The following XPC variants were observed in gnomAD, a reference collection of about 807,000 sequenced individuals.
XPC encodes XPC complex subunit, DNA damage recognition and repair factor.
In XPC, 76 loss-of-function variants were observed where a neutral mutation model predicts 95.8. The ratio of observed to expected loss-of-function variants is 0.79; its 90% CI spans 0.66 to 0.96. The LOEUF (loss-of-function observed/expected upper bound fraction) is 0.96. Among genes scored for constraint, XPC ranks in the 40% least tolerant of loss-of-function variants. The pLI, the probability that XPC is intolerant of heterozygous loss-of-function variation, is 0.00. For synonymous variants in XPC, 442 were observed against 442.1 expected, an observed-to-expected ratio of 1.00 and a Z score of 0.00; for missense variants, 1,146 against 1,179.8, an observed-to-expected ratio of 0.97 and a Z score of 0.42.
In XPC at chr3:14,167,192, C is replaced by T; in HGVS notation, c.598G>A (p.Gly200Arg). The change falls in exon 5 of 16, where the codon GGG becomes AGG. Residue 200 changes from glycine (G) to arginine (R), a missense_variant. Physicochemically the swap from Gly to Arg is moderately radical, Grantham distance 125. Transcript: ENST00000285021. ...LRRAMKRFNK[G>R]VHEDTHKVHL... ...ACCTTGTGTGTGTCCTCATGGACCCCTTTATTGAAACGTTTCATCGCCCTC... is the reference window on the plus strand; with the variant it reads ...ACCTTGTGTGTGTCCTCATGGACCCTTTTATTGAAACGTTTCATCGCCCTC... The T allele has an allele frequency of 6.2e-7, 1 of 1,609,904 alleles. No homozygotes were observed. Among genetic ancestry groups the T allele is most frequent in the Non-Finnish European group, 8.5e-7 (1 of 1,177,980 alleles).
chr3:14,155,594 G>C (rs987997556), intron 10 of XPC, among the ~76,000 whole-genome samples: 27 of 151,908 alleles, frequency 1.8e-4, no homozygotes, highest in African/African-American at 5.8e-4. Context: ...GTCTCGTTCT[G>C]TCACCCAGGC....
Position 14,164,617 on chromosome 3 carries a change from C to T in XPC, c.900+196G>A, listed in dbSNP as rs3731119. ...TCCACTCAGACTCTGATCCCAATCT[C>T]GATTCTCAGGCTCACCAAGGAAAAG... On this transcript the variant is annotated intron_variant, in intron 7 of 15. Transcript: ENST00000285021. 8.2e-3 allele frequency: 4,355 copies of T among 529,438 alleles called. 170 individuals carry two copies. Among genetic ancestry groups the T allele is most frequent in the African/African-American group, 0.08 (3,948 of 49,582 alleles). The allele number at this position is 529,438 out of a possible 1,614,324, so 32.8% of individuals were successfully genotyped here. A position where few individuals can be genotyped will look rare whatever the true frequency, so the allele number is the denominator to read the frequency against.
chr3:14,152,095 T>G (rs1695713612), intron 11 of XPC, among the ~76,000 whole-genome samples: 1 of 151,952 alleles, frequency 6.6e-6, no homozygotes. Flanking sequence ...GAGGCCTACT[T>G]TTTGGCCTAG....
chr3:14,154,448 C>A (rs928216484), intron 10 of XPC, among the ~76,000 whole-genome samples: 1 of 152,300 alleles, frequency 6.6e-6, no homozygotes, highest in East Asian at 1.9e-4. Context: ...TCCACCCACA[C>A]AATGGAGTAT....
intron 2 of XPC, 154 bp from the exon 3 acceptor site, chr3:14,170,704 A>G: frequency 1.8e-6 from 1 of 541,480 alleles, no homozygotes; most frequent in Non-Finnish European, 3.2e-6. Context: ...CACTTCCTCC[A>G]TCAACATGTG....
chr3:14,158,706 G>A lies in XPC; in HGVS notation c.1177C>T (p.Arg393Trp), dbSNP rs121965090. ...GKRNKGGRKK[R>W]SKPSSSEEDE... ...TCCTCGCTGGAGGAGGGCTTGCTCCGTTTCTTTCTGCCTCCCTTGTTCCTC... is the reference window on the plus strand; with the variant it reads ...TCCTCGCTGGAGGAGGGCTTGCTCCATTTCTTTCTGCCTCCCTTGTTCCTC... Residue 393 changes from arginine to tryptophan, a missense_variant, in exon 9 of 16, where the codon CGG becomes TGG. By Grantham distance (101) the Arg-to-Trp change is moderately radical. Transcript: ENST00000285021. The surrounding 1 kb of genome is among the most constrained non-coding windows in gnomAD (Gnocchi z 5.2). The A allele has an allele frequency of 1.3e-3, 2,125 of 1,613,848 alleles. 2 individuals are homozygous for A. Among genetic ancestry groups the A allele is most frequent in the Non-Finnish European group, 1.7e-3 (1,992 of 1,179,886 alleles).
chr3:14,164,669 T>C (rs577236656), intron 7 of XPC, 144 bp downstream of exon 7: 97 of 784,034 alleles, frequency 1.2e-4, no homozygotes, highest in Middle Eastern at 3.4e-4. Context: ...GTAGCTATTC[T>C]GGGCTTCAGC....
chr3:14,168,021 G>A (rs1292168312), intron 4 of XPC, among the ~76,000 whole-genome samples: 2 of 151,330 alleles, frequency 1.3e-5, no homozygotes, highest in African/African-American at 4.9e-5. Flanking sequence ...GATAACGGAT[G>A]ACCTGCTCAA....
intron 1 of XPC, among the ~76,000 whole-genome samples, chr3:14,173,400 T>G (rs1696691660): frequency 6.6e-6 from 1 of 152,256 alleles, no homozygotes; most frequent in South Asian, 2.1e-4. Context: ...AGCACCTTAT[T>G]TATTATCTGC....
At chr3:14,170,795 C>T (rs1029756613) in intron 2 of XPC, among the ~76,000 whole-genome samples, 2 of 152,074 alleles carry the variant, frequency 1.3e-5, no homozygotes, top group African/African-American at 4.8e-5. Flanking sequence ...CAATCTAGAT[C>T]GTGTGAAAGA....
chr3:14,147,089 G>A (rs1021181055), intron 15 of XPC, among the ~76,000 whole-genome samples: 5 of 152,318 alleles, frequency 3.3e-5, no homozygotes, highest in African/African-American at 1.2e-4. Context: ...TGGGGCAGAA[G>A]AGCCAGCTGA....
chr3:14,160,044 A>C (rs1696107466), intron 7 of XPC, among the ~76,000 whole-genome samples: 1 of 152,212 alleles, frequency 6.6e-6, no homozygotes, highest in African/African-American at 2.4e-5. Context: ...ATCATATATT[A>C]AAGGAAAATA....
intron 1 of XPC, among the ~76,000 whole-genome samples, chr3:14,174,254 T>C (rs564215529): frequency 7.2e-5 from 11 of 151,854 alleles, no homozygotes; most frequent in African/African-American, 2.6e-4. Flanking sequence ...ACAAATTATT[T>C]CAAAATTAAT....
At chr3:14,170,573 A>C in intron 2 of XPC, 23 bp from the exon 3 acceptor site, 1 of 1,552,770 alleles carries the variant, frequency 6.4e-7, no homozygotes, top group Non-Finnish European at 8.8e-7. Context: ...CACAGGAAGG[A>C]AGATGAAGAA....
rs201940931 is a variant in XPC, at chr3:14,165,587, T to G, written c.622-2A>C. 12 of 1,613,038 alleles carry G rather than the reference T, an allele frequency of 7.4e-6. No homozygotes were observed. Among genetic ancestry groups the G allele is most frequent in the African/African-American group, 2.7e-5 (2 of 74,878 alleles). ...TGCTAGCAGGCAGAGAAGGTGAACC[T>G]GTGAAGAGGAAAGGAGGAAGGGGCA... is the stretch of plus-strand genomic sequence containing the variant. On this transcript the variant is annotated splice_acceptor_variant, in intron 5 of 15. Transcript: ENST00000285021. LOFTEE classifies it high-confidence loss of function.
chr3:14,170,140 T>A (rs3731082), intron 3 of XPC, among the ~76,000 whole-genome samples: 1 of 152,216 alleles, frequency 6.6e-6, no homozygotes, highest in Admixed American at 6.5e-5. Flanking sequence ...AGTTGAGCAC[T>A]GAACCCAATT....
chr3:14,171,694 G>A (rs1696618939), intron 2 of XPC, among the ~76,000 whole-genome samples: 1 of 152,084 alleles, frequency 6.6e-6, no homozygotes, highest in Non-Finnish European at 1.5e-5. Flanking sequence ...AAATTAGCTG[G>A]GCGTGGTGGT....
At position 14,173,247 on chromosome 3, in the gene XPC, T is replaced by C. The variant is rs1301320542; in HGVS notation, c.104-185A>G. 2.0e-5 allele frequency among the ~76,000 whole-genome samples: 3 copies of C among 152,180 alleles called. No homozygotes were observed. The East Asian group carries it at 5.8e-4, about 29-fold the overall frequency. On this transcript the variant is annotated intron_variant, in intron 1 of 15. Transcript: ENST00000285021. ...TCTTCCCACCTGCGGCTAGTCTATA[T>C]TCACAGTAAAAACCATCTTCCTTTA... is the stretch of plus-strand genomic sequence containing the variant.
intron 11 of XPC, among the ~76,000 whole-genome samples, chr3:14,150,898 A>G (rs1253091299): frequency 6.6e-6 from 1 of 152,222 alleles, no homozygotes; most frequent in Non-Finnish European, 1.5e-5. Context: ...AGTGAGCACC[A>G]GAACATCACT....
Sources: allele counts gnomAD v4.1 joint callset (sites outside exome capture counted in the v4.1 genomes callset), GRCh38; gene constraint gnomAD v4.1.1; non-coding constraint Gnocchi (gnomAD v3.1); transcripts MANE v1.5; gene names NCBI Gene and HGNC (gene_info 2026-07-23, HGNC 2026-07-21).